The following PRRC2B variants were observed in gnomAD, a reference collection of about 807,000 sequenced individuals.
The protein encoded by PRRC2B is proline rich coiled-coil 2B, also known as protein PRRC2B.
In PRRC2B, 68 loss-of-function variants were observed where a neutral mutation model predicts 242.3. The observed-to-expected ratio is 0.28, with a 90% confidence interval of 0.23 to 0.34. The LOEUF (loss-of-function observed/expected upper bound fraction) is 0.34. Ranked by LOEUF, PRRC2B falls within the 10% of genes least tolerant of loss-of-function variation. The pLI, the probability that PRRC2B is intolerant of heterozygous loss-of-function variation, is 1.00. For synonymous variants in PRRC2B, 1,228 were observed against 1,173.6 expected, an observed-to-expected ratio of 1.05 and a Z score of -0.95; for missense variants, 2,835 against 2,954.8, an observed-to-expected ratio of 0.96 and a Z score of 0.94.
intron 1 of PRRC2B, among the ~76,000 whole-genome samples, chr9:131,412,161 C>T (rs1007073653): frequency 3.9e-5 from 6 of 152,258 alleles, no homozygotes; most frequent in East Asian, 3.9e-4. Flanking sequence ...TGCTCATCTA[C>T]GTTGACCGTC....
rs376511895 is a variant in PRRC2B, at chr9:131,472,570, G to A, written c.2108-938G>A. On this transcript the variant is annotated intron_variant, in intron 14 of 31. Transcript: ENST00000683519. ...CGGCCTACTGCAACCTCCACCTCCC[G>A]GGTTCAAGCGATTCTCCTGCCTCAG... Among the ~76,000 whole-genome samples the A allele has an allele frequency of 6.3e-4, 92 of 146,406 alleles. No individual in the cohort carries two copies. In the South Asian group the frequency reaches 0.016, roughly 25 times the overall value.
chr9:131,379,815 G>A (rs892579688), intron 1 of PRRC2B, among the ~76,000 whole-genome samples: 6 of 151,020 alleles, frequency 4.0e-5, no homozygotes, highest in South Asian at 2.1e-4. Context: ...TAGTAGAGAC[G>A]GGGTTTCACC....
At chr9:131,436,755 T>A (rs544730515) in intron 4 of PRRC2B, 33 bp downstream of exon 4, 4 of 1,550,924 alleles carry the variant, frequency 2.6e-6, no homozygotes, top group Non-Finnish European at 3.6e-6. Context: ...AACTGTTTCC[T>A]GGGCATGGTA....
intron 5 of PRRC2B, among the ~76,000 whole-genome samples, chr9:131,439,888 G>A (rs750983279): frequency 1.7e-4 from 22 of 131,064 alleles, no homozygotes; most frequent in South Asian, 7.9e-4. Flanking sequence ...TGTGTACCAC[G>A]ACATCTGGCT....
At chr9:131,459,034 G>A in intron 10 of PRRC2B, 130 bp from the exon 11 acceptor site, 1 of 726,242 alleles carries the variant, frequency 1.4e-6, no homozygotes, top group Non-Finnish European at 2.3e-6. Context: ...AGTAGTGGGA[G>A]TGGTGGTCCA....
chr9:131,400,518 A>G (rs1837200515), intron 1 of PRRC2B, among the ~76,000 whole-genome samples: 1 of 151,994 alleles, frequency 6.6e-6, no homozygotes, highest in Non-Finnish European at 1.5e-5. Flanking sequence ...GGGTTTTGCC[A>G]TGTTGGCCAG....
At position 131,475,693 on chromosome 9, in the gene PRRC2B, C is replaced by T; in HGVS notation, c.3564C>T (p.His1188=). ...WRSNKGCSED[H]SGLDAKSRGP... is the part of the protein sequence containing the mutation. ...CCAACAAGGGGTGCTCTGAGGACCA[C>T]AGCGGTCTAGATGCCAAGAGCCGAG... Residue 1188 remains histidine, a synonymous_variant, in exon 16 of 32, where the codon CAC becomes CAT. Coordinates refer to ENST00000683519, the MANE Select transcript of PRRC2B (RefSeq NM_013318.4). The T allele has an allele frequency of 6.2e-7, 1 of 1,612,828 alleles. No individual in the cohort carries two copies. Among genetic ancestry groups the T allele is most frequent in the Non-Finnish European group, 8.5e-7 (1 of 1,179,592 alleles).
intron 14 of PRRC2B, among the ~76,000 whole-genome samples, chr9:131,472,546 G>A (rs1188128384): frequency 2.3e-5 from 3 of 131,352 alleles, no homozygotes; most frequent in Non-Finnish European, 4.8e-5. Context: ...GTGTGATCTC[G>A]GCCTACTGCA....
At chr9:131,383,824 T>C (rs1393604755) in intron 1 of PRRC2B, among the ~76,000 whole-genome samples, 1 of 151,970 alleles carries the variant, frequency 6.6e-6, no homozygotes, top group Non-Finnish European at 1.5e-5. Context: ...GGTTTCACTG[T>C]GTTAGCCAGG....
intron 26 of PRRC2B, among the ~76,000 whole-genome samples, chr9:131,486,917 T>C (rs10751481): frequency 0.86 from 131,189 of 152,284 alleles, 57,497 homozygotes; most frequent in South Asian, 0.97. Context: ...TGTTGACGTA[T>C]GTGCTAGGAT....
At chr9:131,434,154 A>T (rs1002281864) in intron 3 of PRRC2B, among the ~76,000 whole-genome samples, 1 of 152,204 alleles carries the variant, frequency 6.6e-6, no homozygotes, top group African/African-American at 2.4e-5. Context: ...TCAAGTGCTT[A>T]GCCTAAACCT....
chr9:131,488,398 G>C (rs1393506797), intron 28 of PRRC2B, among the ~76,000 whole-genome samples: 1 of 152,068 alleles, frequency 6.6e-6, no homozygotes, highest in Non-Finnish European at 1.5e-5. Context: ...TGAGTAGCTG[G>C]GACTACAAGT....
Position 131,498,282 on chromosome 9 carries a change from GAAGT to G in PRRC2B, c.*2411_*2414del, listed in dbSNP as rs1944383743. ...GTTGTAGGTCTAGGTGAAAAAAAAA[GAAGT>G]AAATGTTTCACTGCTCTATTTATAT... On this transcript the variant is annotated 3_prime_UTR_variant, in exon 32 of 32. Transcript: ENST00000683519. The G allele has an allele frequency of 6.6e-6, 1 of 151,710 alleles. No homozygotes were observed. The highest frequency in any genetic ancestry group is 1.5e-5 in the Non-Finnish European group (1 of 67,956). The allele number at this position is 151,710 out of a possible 1,614,324, so 9.4% of individuals were successfully genotyped here. A position where few individuals can be genotyped will look rare whatever the true frequency, so the allele number is the denominator to read the frequency against.
intron 1 of PRRC2B, among the ~76,000 whole-genome samples, chr9:131,380,704 C>G (rs1836746137): frequency 6.6e-6 from 1 of 151,232 alleles, no homozygotes; most frequent in African/African-American, 2.4e-5. Context: ...TGGTGAAATC[C>G]CATCTCTACT....
intron 13 of PRRC2B, among the ~76,000 whole-genome samples, chr9:131,470,388 C>A (rs1054181728): frequency 2.6e-4 from 39 of 152,208 alleles, no homozygotes; most frequent in African/African-American, 9.2e-4. Context: ...CTGGAGGGAG[C>A]AGGGAAGGGA....
chr9:131,452,958 G>A (rs1307106477), intron 9 of PRRC2B, among the ~76,000 whole-genome samples: 2 of 152,152 alleles, frequency 1.3e-5, no homozygotes, highest in Admixed American at 6.5e-5. Flanking sequence ...GGTTGATGGT[G>A]GCATTCAGAT....
chr9:131,469,379 G>A (rs780259805), intron 13 of PRRC2B, among the ~76,000 whole-genome samples: 4 of 152,122 alleles, frequency 2.6e-5, no homozygotes, highest in Non-Finnish European at 4.4e-5. Flanking sequence ...AAGTCTGAAA[G>A]CACCAGGGCA....
rs754776937 is a variant in PRRC2B at position 131,464,759 on chromosome 9, G to A, written c.1405-4G>A. The A allele has an allele frequency of 1.3e-6, 2 of 1,578,566 alleles. No individual in the cohort carries two copies. The highest frequency in any genetic ancestry group is 8.6e-7 in the Non-Finnish European group (1 of 1,159,348). ...GCCTTATCTCAGAGACATTCTCTTGGCAGAAGTCATCAATGGGCAGCATGT... is the reference window on the plus strand; with the variant it reads ...GCCTTATCTCAGAGACATTCTCTTGACAGAAGTCATCAATGGGCAGCATGT... On this transcript the variant is annotated splice_polypyrimidine_tract_variant and splice_region_variant and intron_variant, in intron 11 of 31. Transcript: ENST00000683519.
At position 131,430,266 on chromosome 9, in the gene PRRC2B, C is replaced by G. The variant is rs749655116; in HGVS notation, c.115+7C>G. On this transcript the variant is annotated splice_region_variant and intron_variant, in intron 2 of 31. Coordinates refer to ENST00000683519, the MANE Select transcript of PRRC2B (RefSeq NM_013318.4). The stretch of plus-strand genomic sequence containing the variant: ...GACGCGATTAGATCCTCAGGTAAGG[C>G]CCAGGGTTGAAGGCCAGTTCCTCAA... The G allele has an allele frequency of 1.3e-6, 2 of 1,543,612 alleles. No individual in the cohort carries two copies. The highest frequency in any genetic ancestry group is 8.9e-7 in the Non-Finnish European group (1 of 1,129,354).
Sources: gnomAD v4.1 joint callset for allele counts (sites outside exome capture counted in the v4.1 genomes callset) on GRCh38, gnomAD v4.1.1 for gene constraint, MANE v1.5 for transcripts, NCBI Gene and HGNC (gene_info 2026-07-23, HGNC 2026-07-21) for gene names.